KAT2A: variants seen among roughly 807,000 people sequenced by gnomAD.
KAT2A encodes the protein lysine acetyltransferase 2A.
A neutral mutation model predicts 95.2 loss-of-function variants in KAT2A; 42 were observed. The observed-to-expected ratio is 0.44, with a 90% confidence interval of 0.34 to 0.57. The LOEUF is 0.57. Ranked by LOEUF, KAT2A falls within the 20% of genes least tolerant of loss-of-function variation. KAT2A has a pLI of 0.01. For missense variants in KAT2A, 784 were observed against 1,126.3 expected (o/e 0.70, Z 4.35); for synonymous variants, 449 against 448.2 (o/e 1.00, Z -0.02).
chr17:42,116,116 A>G (rs1555665923), intron 11 of KAT2A, among the ~76,000 whole-genome samples: 3 of 152,120 alleles, frequency 2.0e-5, no homozygotes, highest in African/African-American at 7.2e-5. Flanking sequence ...CCTTTATTTT[A>G]CAGAAGAGAA....
intron 1 of KAT2A, 21 bp downstream of exon 1, chr17:42,120,945 C>CGA: frequency 6.9e-7 from 1 of 1,445,460 alleles, no homozygotes; most frequent in Non-Finnish European, 9.5e-7. Flanking sequence ...CCCGCCCCTT[C>CGA]ACCCCAGGCC....
In KAT2A at chr17:42,119,755, A is replaced by G; in HGVS notation, c.700-37T>C. ...TGGGTGGGGGATAAAACCAGGAATGAGGTGTGAGCAGCCCGCAGGGCCTTC... is the reference window on the plus strand; with the variant it reads ...TGGGTGGGGGATAAAACCAGGAATGGGGTGTGAGCAGCCCGCAGGGCCTTC... On this transcript the variant is annotated intron_variant, in intron 4 of 17. Transcript: ENST00000225916. The surrounding 1 kb of genome is among the most constrained non-coding windows in gnomAD (Gnocchi z 5.3). 1.9e-6 allele frequency: 3 copies of G among 1,539,056 alleles called. No homozygotes were observed. Among genetic ancestry groups the G allele is most frequent in the Non-Finnish European group, 2.6e-6 (3 of 1,134,908 alleles).
Position 42,119,516 on chromosome 17 carries a change from G to C in KAT2A, c.881+21C>G, listed in dbSNP as rs782314944. ...GCTGGGCCTGCAAGCCTCCCCCGAAGCTGCCCCTGGCTGGGCCTACCTGGT... is the reference window on the plus strand; with the variant it reads ...GCTGGGCCTGCAAGCCTCCCCCGAACCTGCCCCTGGCTGGGCCTACCTGGT... On this transcript the variant is annotated intron_variant, in intron 5 of 17. Transcript: ENST00000225916. The surrounding 1 kb of genome is among the most constrained non-coding windows in gnomAD (Gnocchi z 5.3). The C allele has an allele frequency of 1.1e-5, 17 of 1,581,808 alleles. No individual in the cohort carries two copies. The highest frequency in any genetic ancestry group is 1.3e-5 in the Non-Finnish European group (15 of 1,160,700).
Position 42,113,639 on chromosome 17 carries a change from A to C in KAT2A, c.*10T>G. 1 of 1,603,132 alleles carries C rather than the reference A, an allele frequency of 6.2e-7. No homozygotes were observed. Among genetic ancestry groups the C allele is most frequent in the Non-Finnish European group, 8.5e-7 (1 of 1,176,986 alleles). On this transcript the variant is annotated 3_prime_UTR_variant, in exon 18 of 18. Coordinates refer to ENST00000225916, the MANE Select transcript of KAT2A (RefSeq NM_021078.3). Reference sequence around the variant, plus strand: ...ACATTCCAGGTCAGGGCTGCGGCCCAAAGATGGGCCTACTTGTCAATGAGG... The same window carrying C: ...ACATTCCAGGTCAGGGCTGCGGCCCCAAGATGGGCCTACTTGTCAATGAGG...
intron 1 of KAT2A, 53 bp downstream of exon 1, chr17:42,120,913 A>G (rs2054327091): frequency 1.3e-5 from 21 of 1,555,640 alleles, no homozygotes; most frequent in Non-Finnish European, 1.8e-5. Context: ...CATTCCCACC[A>G]GAGCCCTGGG....
At position 42,120,693 on chromosome 17, in the gene KAT2A, CT is replaced by C; in HGVS notation, c.463+12del. 1 of 1,613,958 alleles carries C rather than the reference CT, an allele frequency of 6.2e-7. No homozygotes were observed. Among genetic ancestry groups the C allele is most frequent in the Non-Finnish European group, 8.5e-7 (1 of 1,180,028 alleles). On this transcript the variant is annotated intron_variant, in intron 2 of 17. Transcript: ENST00000225916. Reference sequence around the variant, plus strand: ...GCACCTGCCCCCAGCTCCAAGGGCGCTGCCTGCCTTACCCAAGGGGTGCTCA... The same window carrying C: ...GCACCTGCCCCCAGCTCCAAGGGCGCGCCTGCCTTACCCAAGGGGTGCTCA...
At chr17:42,116,805 C>A (rs2054264476) in intron 11 of KAT2A, among the ~76,000 whole-genome samples, 1 of 152,264 alleles carries the variant, frequency 6.6e-6, no homozygotes, top group South Asian at 2.1e-4. Context: ...AAACCCAAGT[C>A]CACAGGTCCA....
chr17:42,119,394 G>C lies in KAT2A; in HGVS notation c.924C>G (p.Leu308=), dbSNP rs868981893. The part of the protein sequence containing the change: ...YCHVPQSCDS[L]PRYETTHVFG... Reference sequence around the variant, plus strand: ...AGACATGAGTGGTTTCGTAGCGGGGGAGGCTATCACAGCTCTGGGGCACGT... The same window carrying C: ...AGACATGAGTGGTTTCGTAGCGGGGCAGGCTATCACAGCTCTGGGGCACGT... Residue 308 remains leucine, a synonymous_variant, in exon 6 of 18, where the codon CTC becomes CTG. Transcript: ENST00000225916. The surrounding 1 kb of genome is among the most constrained non-coding windows in gnomAD (Gnocchi z 5.3). 1.9e-6 allele frequency: 3 copies of C among 1,613,830 alleles called. No individual in the cohort carries two copies. The highest frequency in any genetic ancestry group is 2.5e-6 in the Non-Finnish European group (3 of 1,179,858).
In KAT2A at chr17:42,113,966, G is replaced by A. The variant is rs1366097654; in HGVS notation, c.2320+34C>T. ...GGCAGGAGCAGGTGTGGGGACAGAA[G>A]AGGAGGGAAGGGGATGGAATGGAAG... On this transcript the variant is annotated intron_variant, in intron 17 of 17. Transcript: ENST00000225916. The A allele has an allele frequency of 2.7e-6, 4 of 1,495,582 alleles. No homozygotes were observed. The Admixed American group carries it at 8.0e-5, about 30-fold the overall frequency. 92.6% of individuals were successfully genotyped at this position (1,495,582 alleles called of 1,614,324 possible).
rs1027726227 is a variant in KAT2A at position 42,120,477 on chromosome 17, T to C, written c.464-107A>G. 10 of 1,328,628 alleles carry C rather than the reference T, an allele frequency of 7.5e-6. No homozygotes were observed. In the East Asian group the frequency reaches 9.2e-5, roughly 12 times the overall value. 82.3% of individuals were successfully genotyped at this position (1,328,628 alleles called of 1,614,324 possible). A position where few individuals can be genotyped will look rare whatever the true frequency, so the allele number is the denominator to read the frequency against. Reference sequence around the variant, plus strand: ...ATACACACTCTGTTCCTCCAACCAGTGTGACCAACAGTGAGACTGACTGCT... The same window carrying C: ...ATACACACTCTGTTCCTCCAACCAGCGTGACCAACAGTGAGACTGACTGCT... On this transcript the variant is annotated intron_variant, in intron 2 of 17. Coordinates refer to ENST00000225916, the MANE Select transcript of KAT2A (RefSeq NM_021078.3).
At chr17:42,116,832 G>A (rs1163746010) in intron 11 of KAT2A, among the ~76,000 whole-genome samples, 1 of 152,266 alleles carries the variant, frequency 6.6e-6, no homozygotes, top group Admixed American at 6.5e-5. Context: ...TGTGGCTGCT[G>A]CTTGGGCTCC....
rs903155739 is a variant in KAT2A, at chr17:42,114,185, C to T, written c.2235+34G>A. ...CATCAAGAGGCCACAGCCATTGGTG[C>T]AGGGGCCCTGGAAAGGAAACCTGGT... On this transcript the variant is annotated intron_variant, in intron 16 of 17. Transcript: ENST00000225916. The surrounding 1 kb of genome is among the most constrained non-coding windows in gnomAD (Gnocchi z 6.0). The T allele has an allele frequency of 3.8e-5, 61 of 1,588,948 alleles. No individual in the cohort carries two copies. Among genetic ancestry groups the T allele is most frequent in the Non-Finnish European group, 5.1e-5 (60 of 1,167,358 alleles).
In KAT2A at chr17:42,114,103, C is replaced by T. The variant is rs2054214846; in HGVS notation, c.2236-19G>A. The T allele has an allele frequency of 1.3e-6, 2 of 1,560,678 alleles. No homozygotes were observed. Among genetic ancestry groups the T allele is most frequent in the African/African-American group, 2.8e-5 (2 of 71,904 alleles). ...GGTGAGACTGGAGAGAAGAGCCGGG[C>T]TGGGGACAGCCCTGCTGCGCCCACG... On this transcript the variant is annotated intron_variant, in intron 16 of 17. Transcript: ENST00000225916. This position sits in a 1 kb window ranked among gnomAD's most constrained non-coding sequence, Gnocchi z 6.0.
At position 42,113,258 on chromosome 17, in the gene KAT2A, C is replaced by A; in HGVS notation, c.*391G>T. 5.4e-6 allele frequency: 1 copy of A among 185,688 alleles called. No homozygotes were observed. Among genetic ancestry groups the A allele is most frequent in the South Asian group, 1.1e-4 (1 of 9,484 alleles). The allele number at this position is 185,688 out of a possible 1,614,324, so 11.5% of individuals were successfully genotyped here. ...TTCAGTTTGGGCTGAACTTCCAACCCCTGAAGCCATCACTCAAGCTAAAAT... is the reference window on the plus strand; with the variant it reads ...TTCAGTTTGGGCTGAACTTCCAACCACTGAAGCCATCACTCAAGCTAAAAT... On this transcript the variant is annotated 3_prime_UTR_variant, in exon 18 of 18. Transcript: ENST00000225916.
Position 42,121,120 on chromosome 17 carries a change from C to G in KAT2A, c.185G>C (p.Gly62Ala), listed in dbSNP as rs1555667268. The change falls in exon 1 of 18, where the codon GGG (glycine) becomes GCG (alanine). Residue 62 changes from glycine to alanine, a missense_variant. Gly to Ala is a moderately conservative substitution (Grantham distance 60). Around this residue, in one of 6 missense-constraint regions of KAT2A, gnomAD observed 142 missense variants for 123.2 expected, o/e 1.15. Transcript: ENST00000225916. Reference sequence around the variant, plus strand: ...GGCCCCCCCACTTCCTACCCCGGGCCCCCCAGTCCCTGTGCTGCCGGCTGG... The same window carrying G: ...GGCCCCCCCACTTCCTACCCCGGGCGCCCCAGTCCCTGTGCTGCCGGCTGG... ...AAPAGSTGTGGPGVGSGGAGS... is the reference protein window; with the variant it reads ...AAPAGSTGTGAPGVGSGGAGS... 1.1e-5 allele frequency: 17 copies of G among 1,513,022 alleles called. No homozygotes were observed. The South Asian group carries it at 2.0e-4, about 17-fold the overall frequency. The allele number at this position is 1,513,022 out of a possible 1,614,324, so 93.7% of individuals were successfully genotyped here. A position where few individuals can be genotyped will look rare whatever the true frequency, so the allele number is the denominator to read the frequency against.
Position 42,113,796 on chromosome 17 carries a change from G to C in KAT2A, c.2367C>G (p.Thr789=). 6.2e-7 allele frequency: 1 copy of C among 1,606,308 alleles called. No individual in the cohort carries two copies. Among genetic ancestry groups the C allele is most frequent in the Non-Finnish European group, 8.5e-7 (1 of 1,177,456 alleles). ...GCAGGTCGGCCACAAAGAGCTTCCG[G>C]GTCACGTAGTAGCGGCTTCGCAGCC... ...TERLRSRYYV[T]RKLFVADLQR... Residue 789 remains threonine (T), a synonymous_variant, in exon 18 of 18, where the codon ACC becomes ACG. Transcript: ENST00000225916.
intron 2 of KAT2A, 131 bp downstream of exon 2, chr17:42,120,575 C>G (rs1326074351): frequency 7.9e-6 from 7 of 883,136 alleles, no homozygotes; most frequent in Non-Finnish European, 1.0e-5. Flanking sequence ...TTGGTGCACA[C>G]CCCCCCCCAA....
At position 42,113,624 on chromosome 17, in the gene KAT2A, T is replaced by C. The variant is rs782215349; in HGVS notation, c.*25A>G. The C allele has an allele frequency of 1.3e-6, 2 of 1,593,010 alleles. No individual in the cohort carries two copies. The highest frequency in any genetic ancestry group is 2.3e-5 in the South Asian group (2 of 88,776). The stretch of plus-strand genomic sequence containing the variant: ...GAATCCGAGGTGGAGACATTCCAGG[T>C]CAGGGCTGCGGCCCAAAGATGGGCC... On this transcript the variant is annotated 3_prime_UTR_variant, in exon 18 of 18. Coordinates refer to ENST00000225916, the MANE Select transcript of KAT2A (RefSeq NM_021078.3).
chr17:42,114,667 C>G lies in KAT2A; in HGVS notation c.2020-63G>C. The G allele has an allele frequency of 2.8e-6, 4 of 1,448,096 alleles. No homozygotes were observed. The highest frequency in any genetic ancestry group is 3.8e-6 in the Non-Finnish European group (4 of 1,040,822). The allele number at this position is 1,448,096 out of a possible 1,614,324, so 89.7% of individuals were successfully genotyped here. A position where few individuals can be genotyped will look rare whatever the true frequency, so the allele number is the denominator to read the frequency against. On this transcript the variant is annotated intron_variant, in intron 13 of 17. Coordinates refer to ENST00000225916, the MANE Select transcript of KAT2A (RefSeq NM_021078.3). This position sits in a 1 kb window ranked among gnomAD's most constrained non-coding sequence, Gnocchi z 6.0. ...CCAACAACAACCCCTCCCAGGGCCACAGTCGGAGCCACTGGCTGCACCCAC... is the reference window on the plus strand; with the variant it reads ...CCAACAACAACCCCTCCCAGGGCCAGAGTCGGAGCCACTGGCTGCACCCAC...
Sources: allele counts gnomAD v4.1 joint callset (sites outside exome capture counted in the v4.1 genomes callset), GRCh38; gene constraint gnomAD v4.1.1; regional missense constraint gnomAD v4.1.1; non-coding constraint Gnocchi (gnomAD v3.1); transcripts MANE v1.5; gene names NCBI Gene and HGNC (gene_info 2026-07-23, HGNC 2026-07-21).